The following PACRG variants were observed in gnomAD, a reference collection of about 807,000 sequenced individuals.
PACRG encodes parkin coregulated gene protein.
In PACRG, 29 loss-of-function variants were observed where a neutral mutation model predicts 29.7. The observed-to-expected ratio is 0.98, with a 90% CI of 0.73 to 1.33. The LOEUF is 1.33. PACRG is among the 40% of genes most tolerant of loss of function. PACRG has a pLI of 0.00. For synonymous variants in PACRG, 116 were observed against 118.7 expected (o/e 0.98, Z 0.15); for missense variants, 279 against 316.2 (o/e 0.88, Z 0.89).
rs577407759 is a variant in PACRG, at chr6:163,143,114, T to C, written c.613+53706T>C. On this transcript the variant is annotated intron_variant, in intron 4 of 4. Coordinates refer to ENST00000366888, the MANE Select transcript of PACRG (RefSeq NM_001080379.2). ...TAGCTTTGACAAATACAAGATTTAA[T>C]ACAAGATATTAACATTGGAGAAACT... Among the ~76,000 whole-genome samples, 49 of 152,274 alleles carry C rather than the reference T, an allele frequency of 3.2e-4. 1 individual carries two copies. The highest frequency in any genetic ancestry group is 1.7e-3 in the South Asian group (8 of 4,826).
At chr6:162,944,240 G>A (rs1798840875) in intron 2 of PACRG, among the ~76,000 whole-genome samples, 1 of 152,154 alleles carries the variant, frequency 6.6e-6, no homozygotes, top group African/African-American at 2.4e-5. Flanking sequence ...AAATCATAGA[G>A]AAACTATACT....
intron 1 of PACRG, among the ~76,000 whole-genome samples, chr6:162,791,176 C>A (rs1244074822): frequency 6.6e-6 from 1 of 152,130 alleles, no homozygotes; most frequent in Non-Finnish European, 1.5e-5. Context: ...GAGAGAGAAG[C>A]AGCCTCCCTA....
At chr6:163,132,282 C>T (rs1378999384) in intron 4 of PACRG, among the ~76,000 whole-genome samples, 1 of 152,042 alleles carries the variant, frequency 6.6e-6, no homozygotes, top group African/African-American at 2.4e-5. Context: ...TTTGAATTTA[C>T]TCATCAGTAA....
At chr6:163,067,092 C>T (rs907031181) in intron 3 of PACRG, among the ~76,000 whole-genome samples, 1 of 152,232 alleles carries the variant, frequency 6.6e-6, no homozygotes, top group Non-Finnish European at 1.5e-5. Context: ...TGACCTTTGA[C>T]TTTAAGATCT....
At chr6:162,919,823 A>T (rs1346188812) in intron 2 of PACRG, among the ~76,000 whole-genome samples, 2 of 152,218 alleles carry the variant, frequency 1.3e-5, no homozygotes, top group Admixed American at 6.5e-5. Flanking sequence ...TTAAAATGTA[A>T]AATGTGTTAC....
At chr6:163,057,683 TG>T (rs1241485311) in intron 2 of PACRG, among the ~76,000 whole-genome samples, 1 of 152,258 alleles carries the variant, frequency 6.6e-6, no homozygotes, top group Non-Finnish European at 1.5e-5. Context: ...TTGTGGATTC[TG>T]CTTTTTAAAA....
chr6:162,780,225 C>T (rs1783991461), intron 1 of PACRG, among the ~76,000 whole-genome samples: 1 of 152,040 alleles, frequency 6.6e-6, no homozygotes, highest in Non-Finnish European at 1.5e-5. Flanking sequence ...CTTAATATTT[C>T]AAGGGGCATT....
intron 1 of PACRG, among the ~76,000 whole-genome samples, chr6:162,747,371 CAT>C: frequency 2.4e-5 from 1 of 41,816 alleles, no homozygotes; most frequent in South Asian, 1.2e-3. Flanking sequence ...TATACACATA[CAT>C]ATATATGTAT....
intron 2 of PACRG, among the ~76,000 whole-genome samples, chr6:163,023,277 C>T (rs1489734510): frequency 3.9e-5 from 6 of 152,144 alleles, no homozygotes; most frequent in African/African-American, 1.4e-4. Context: ...TGTTCATGTC[C>T]ACGTGTGCTC....
At position 163,315,156 on chromosome 6, in the gene PACRG, C is replaced by T; in HGVS notation, c.*169C>T. On this transcript the variant is annotated 3_prime_UTR_variant, in exon 5 of 5. Transcript: ENST00000366888. ...TAGCCCTATTGAGAGCAAGGCTTTC[C>T]AATACATAAATAGTGTCTGTTTCTT... 1.5e-6 allele frequency: 1 copy of T among 684,686 alleles called. No individual in the cohort carries two copies. The highest frequency in any genetic ancestry group is 2.1e-5 in the South Asian group (1 of 46,574). 42.4% of individuals were successfully genotyped at this position (684,686 alleles called of 1,614,324 possible).
chr6:163,225,196 C>A (rs1459709045), intron 4 of PACRG, among the ~76,000 whole-genome samples: 1 of 152,180 alleles, frequency 6.6e-6, no homozygotes, highest in African/African-American at 2.4e-5. Flanking sequence ...CAAAAGATAG[C>A]AAGTGATGTG....
rs115154202 is a variant in PACRG at position 163,001,861 on chromosome 6, T to A, written c.292-60289T>A. Among the ~76,000 whole-genome samples, 927 of 152,328 alleles carry A rather than the reference T, an allele frequency of 6.1e-3. 4 individuals carry two copies. The highest frequency in any genetic ancestry group is 0.015 in the African/African-American group (640 of 41,572). On this transcript the variant is annotated intron_variant, in intron 2 of 4. Coordinates refer to ENST00000366888, the MANE Select transcript of PACRG (RefSeq NM_001080379.2). ...TGTGCCAAGACAGAACATTATTATATACATTTGGCATTTGTTTAGCCCCAG... is the reference window on the plus strand; with the variant it reads ...TGTGCCAAGACAGAACATTATTATAAACATTTGGCATTTGTTTAGCCCCAG...
chr6:162,775,551 G>T (rs1002343034), intron 1 of PACRG, among the ~76,000 whole-genome samples: 24 of 152,126 alleles, frequency 1.6e-4, no homozygotes, highest in African/African-American at 5.6e-4. Context: ...TATGTAATTT[G>T]TCTGAAATGC....
chr6:162,809,632 T>C (rs896748403), intron 1 of PACRG, among the ~76,000 whole-genome samples: 1 of 152,080 alleles, frequency 6.6e-6, no homozygotes, highest in Admixed American at 6.5e-5. Context: ...ATATTCAGTA[T>C]AAGAGACAAA....
intron 4 of PACRG, among the ~76,000 whole-genome samples, chr6:163,155,093 T>C (rs55733913): frequency 0.21 from 31,540 of 152,152 alleles, 3,434 homozygotes; most frequent in African/African-American, 0.28. Context: ...TTTCTCCCCA[T>C]ACCTCTCTTC....
chr6:162,767,251 G>A (rs1033921529), intron 1 of PACRG, among the ~76,000 whole-genome samples: 3 of 151,978 alleles, frequency 2.0e-5, no homozygotes, highest in African/African-American at 7.2e-5. Context: ...TAGTAAAGGA[G>A]AGAGCTGGGC....
rs78669625 is a variant in PACRG, at chr6:162,779,187, C to T, written c.157-34960C>T. ...AAGGATACCAACTTCCAGCTCCATC[C>T]GTTTCCCTGCAAAGGACATACTCTC... On this transcript the variant is annotated intron_variant, in intron 1 of 4. Transcript: ENST00000366888. Among the ~76,000 whole-genome samples, 652 of 152,306 alleles carry T rather than the reference C, an allele frequency of 4.3e-3. 4 individuals carry two copies. Among genetic ancestry groups the T allele is most frequent in the African/African-American group, 0.015 (627 of 41,572 alleles).
intron 4 of PACRG, among the ~76,000 whole-genome samples, chr6:163,240,651 T>C (rs886908302): frequency 6.6e-6 from 1 of 152,170 alleles, no homozygotes; most frequent in African/African-American, 2.4e-5. Flanking sequence ...AAACACCTCC[T>C]TGGATTTGGG....
chr6:162,810,045 G>A (rs965719379), intron 1 of PACRG, among the ~76,000 whole-genome samples: 3 of 152,118 alleles, frequency 2.0e-5, no homozygotes, highest in Non-Finnish European at 4.4e-5. Flanking sequence ...GGGTAATGAG[G>A]CCACACTGTT....
Sources: gnomAD v4.1 joint callset for allele counts (sites outside exome capture counted in the v4.1 genomes callset) on GRCh38, gnomAD v4.1.1 for gene constraint, MANE v1.5 for transcripts, NCBI Gene and HGNC (gene_info 2026-07-23, HGNC 2026-07-21) for gene names.